Variants in ADAMTS12 observed in about 807,000 individuals in gnomAD.
ADAMTS12 encodes ADAM metallopeptidase with thrombospondin type 1 motif 12.
A neutral mutation model predicts 167.8 loss-of-function variants in ADAMTS12; 118 were observed. That is an observed-to-expected ratio of 0.70 (90% CI 0.61 to 0.82). The LOEUF is 0.82. ADAMTS12 is among the 40% of genes least tolerant of loss of function. The pLI, the probability that ADAMTS12 is intolerant of heterozygous loss-of-function variation, is 0.00. For missense variants in ADAMTS12, 1,916 were observed against 1,998.8 expected, an observed-to-expected ratio of 0.96 and a Z score of 0.79; for synonymous variants, 704 against 716.9, an observed-to-expected ratio of 0.98 and a Z score of 0.29.
chr5:33,682,912 A>G, intron 5 of ADAMTS12, 106 bp downstream of exon 5: 3 of 878,288 alleles, frequency 3.4e-6, no homozygotes, highest in Non-Finnish European at 5.3e-6. Flanking sequence ...TGGGCTTCCA[A>G]ACACTTTCTG....
intron 14 of ADAMTS12, among the ~76,000 whole-genome samples, chr5:33,621,667 TA>T (rs1739337100): frequency 6.6e-6 from 1 of 152,200 alleles, no homozygotes; most frequent in Non-Finnish European, 1.5e-5. Flanking sequence ...CTTGTCTTTT[TA>T]AAGATTTATG....
At chr5:33,857,573 C>A (rs1193811005) in intron 2 of ADAMTS12, among the ~76,000 whole-genome samples, 1 of 152,026 alleles carries the variant, frequency 6.6e-6, no homozygotes, top group Non-Finnish European at 1.5e-5. Context: ...GTCAATTATA[C>A]ATCAGTAAGG....
chr5:33,865,625 A>C (rs1225850630), intron 2 of ADAMTS12, among the ~76,000 whole-genome samples: 2 of 152,196 alleles, frequency 1.3e-5, no homozygotes, highest in African/African-American at 4.8e-5. Context: ...CAGAGCAATC[A>C]GGCAGGAGAA....
At position 33,667,403 on chromosome 5, in the gene ADAMTS12, A is replaced by G. The variant is rs554121384; in HGVS notation, c.916-5363T>C. On this transcript the variant is annotated intron_variant, in intron 5 of 23. Coordinates refer to ENST00000504830, the MANE Select transcript of ADAMTS12 (RefSeq NM_030955.4). ...ATATACAACCTCAATAATAGGAATA[A>G]TTCTGTATGGTTGCAACTGGTTACA... is the stretch of plus-strand genomic sequence containing the variant. 2.0e-5 allele frequency among the ~76,000 whole-genome samples: 3 copies of G among 152,000 alleles called. No homozygotes were observed. The South Asian group carries it at 6.2e-4, about 32-fold the overall frequency.
chr5:33,880,781 C>T lies in ADAMTS12; in HGVS notation c.489+338G>A, dbSNP rs1750402968. 1.5e-5 allele frequency: 4 copies of T among 268,226 alleles called. No homozygotes were observed. In the East Asian group the frequency reaches 2.2e-4, roughly 15 times the overall value. The allele number at this position is 268,226 out of a possible 1,614,324, so 16.6% of individuals were successfully genotyped here. A position where few individuals can be genotyped will look rare whatever the true frequency, so the allele number is the denominator to read the frequency against. Reference sequence around the variant, plus strand: ...CTAGGTTCTGCTCATTCAAAATACGCTGTCCAGCCAGTCAGTTGCCTCAGA... The same window carrying T: ...CTAGGTTCTGCTCATTCAAAATACGTTGTCCAGCCAGTCAGTTGCCTCAGA... On this transcript the variant is annotated intron_variant, in intron 2 of 23. Coordinates refer to ENST00000504830, the MANE Select transcript of ADAMTS12 (RefSeq NM_030955.4).
intron 3 of ADAMTS12, among the ~76,000 whole-genome samples, chr5:33,717,908 A>T (rs966470575): frequency 1.3e-5 from 2 of 151,804 alleles, no homozygotes; most frequent in Non-Finnish European, 2.9e-5. Flanking sequence ...TCATTTTGTC[A>T]TAGCTGTGAC....
intron 20 of ADAMTS12, among the ~76,000 whole-genome samples, chr5:33,556,316 G>A (rs139029012): frequency 2.0e-4 from 30 of 152,290 alleles, no homozygotes; most frequent in Non-Finnish European, 3.2e-4. Flanking sequence ...CTGCATAATT[G>A]CATTTTTCCA....
intron 13 of ADAMTS12, 117 bp from the exon 14 acceptor site, chr5:33,624,468 T>C: frequency 7.1e-7 from 1 of 1,411,762 alleles, no homozygotes; most frequent in East Asian, 2.5e-5. Context: ...AGGTACCAGG[T>C]ACAAGGACAA....
intron 5 of ADAMTS12, 129 bp downstream of exon 5, chr5:33,682,889 T>G (rs1742179866): frequency 3.0e-6 from 2 of 676,660 alleles, no homozygotes; most frequent in Non-Finnish European, 2.5e-6. Context: ...AGAAATAATA[T>G]TTTCCTTCTC....
rs1292320061 is a variant in ADAMTS12, at chr5:33,689,202, T to A, written c.635-5147A>T. Among the ~76,000 whole-genome samples the A allele has an allele frequency of 2.0e-5, 3 of 152,194 alleles. No homozygotes were observed. In the East Asian group the frequency reaches 5.8e-4, roughly 29 times the overall value. Reference sequence around the variant, plus strand: ...TTAATTCTCACATTAAAACATGTAGTAAATCTTATTGTCATTTTAAAATGA... The same window carrying A: ...TTAATTCTCACATTAAAACATGTAGAAAATCTTATTGTCATTTTAAAATGA... On this transcript the variant is annotated intron_variant, in intron 3 of 23. Transcript: ENST00000504830.
At chr5:33,571,654 C>A (rs1354627185) in intron 19 of ADAMTS12, among the ~76,000 whole-genome samples, 1 of 150,470 alleles carries the variant, frequency 6.6e-6, no homozygotes, top group African/African-American at 2.5e-5. Flanking sequence ...AGGAAAGATC[C>A]AAAATTGACA....
At chr5:33,778,020 A>G (rs1745978489) in intron 2 of ADAMTS12, among the ~76,000 whole-genome samples, 1 of 152,036 alleles carries the variant, frequency 6.6e-6, no homozygotes, top group Admixed American at 6.6e-5. Flanking sequence ...AAAGAAATTG[A>G]AAAAGACATA....
chr5:33,584,754 G>A (rs1282445212), intron 18 of ADAMTS12, among the ~76,000 whole-genome samples: 1 of 152,130 alleles, frequency 6.6e-6, no homozygotes. Flanking sequence ...AGATTGCCAG[G>A]GCTGGAAAAC....
chr5:33,786,103 T>A lies in ADAMTS12; in HGVS notation c.490-34555A>T, dbSNP rs113534031. Among the ~76,000 whole-genome samples, 307 of 152,316 alleles carry A rather than the reference T, an allele frequency of 2.0e-3. 5 individuals carry two copies. The highest frequency in any genetic ancestry group is 5.6e-3 in the African/African-American group (233 of 41,574). On this transcript the variant is annotated intron_variant, in intron 2 of 23. Transcript: ENST00000504830. ...ATGATTCCACTATATGACATTTCTTTAAAATGCATCTAATGAAAGACAAAC... is the reference window on the plus strand; with the variant it reads ...ATGATTCCACTATATGACATTTCTTAAAAATGCATCTAATGAAAGACAAAC...
intron 3 of ADAMTS12, among the ~76,000 whole-genome samples, chr5:33,713,929 C>T (rs935473902): frequency 1.3e-5 from 2 of 152,088 alleles, no homozygotes; most frequent in South Asian, 2.1e-4. Flanking sequence ...TTAAAGATCT[C>T]GTTTCTGACA....
intron 20 of ADAMTS12, among the ~76,000 whole-genome samples, chr5:33,556,774 A>C (rs1745504541): frequency 6.6e-6 from 1 of 152,206 alleles, no homozygotes; most frequent in Non-Finnish European, 1.5e-5. Context: ...ATGCCCAGAG[A>C]GAAAGAAAGA....
At chr5:33,691,478 C>G (rs1378593006) in intron 3 of ADAMTS12, among the ~76,000 whole-genome samples, 1 of 152,216 alleles carries the variant, frequency 6.6e-6, no homozygotes, top group African/African-American at 2.4e-5. Context: ...AGGAACCATA[C>G]AGTGGGAATG....
At chr5:33,648,185 C>T (rs572561123) in intron 9 of ADAMTS12, among the ~76,000 whole-genome samples, 6 of 152,246 alleles carry the variant, frequency 3.9e-5, no homozygotes, top group East Asian at 1.9e-4. Flanking sequence ...CTGTGGTCAG[C>T]GGGGACCCTA....
At chr5:33,650,133 C>G (rs1172201474) in intron 7 of ADAMTS12, among the ~76,000 whole-genome samples, 1 of 152,202 alleles carries the variant, frequency 6.6e-6, no homozygotes, top group Admixed American at 6.5e-5. Flanking sequence ...AAAGGAGAAG[C>G]CTCTGGGAGA....
Sources: allele counts gnomAD v4.1 joint callset (sites outside exome capture counted in the v4.1 genomes callset), GRCh38; gene constraint gnomAD v4.1.1; transcripts MANE v1.5; gene names NCBI Gene and HGNC (gene_info 2026-07-23, HGNC 2026-07-21).